Variants in RAPGEF4 observed in about 807,000 individuals in gnomAD.
RAPGEF4 encodes the protein Rap guanine nucleotide exchange factor 4.
RAPGEF4 carries 66 observed loss-of-function variants against 147.9 expected under a neutral mutation model. The observed-to-expected ratio is 0.45, with a 90% CI of 0.37 to 0.55. The LOEUF (loss-of-function observed/expected upper bound fraction) is 0.55, where lower values mean the gene tolerates loss of function less well. Among genes scored for constraint, RAPGEF4 ranks in the 20% least tolerant of loss-of-function variants. RAPGEF4 has a pLI of 0.00. For missense variants in RAPGEF4, 1,071 were observed against 1,257.3 expected, an observed-to-expected ratio of 0.85 and a Z score of 2.24; for synonymous variants, 419 against 442.7, an observed-to-expected ratio of 0.95 and a Z score of 0.67.
At chr2:172,943,511 A>C (rs1687377084) in intron 6 of RAPGEF4, among the ~76,000 whole-genome samples, 1 of 152,198 alleles carries the variant, frequency 6.6e-6, no homozygotes, top group Non-Finnish European at 1.5e-5. Context: ...CACTTGGCAC[A>C]CAGCATTTGA....
At position 172,992,680 on chromosome 2, in the gene RAPGEF4, T is replaced by C. The variant is rs532376081; in HGVS notation, c.1490+1755T>C. Among the ~76,000 whole-genome samples, 3 of 152,376 alleles carry C rather than the reference T, an allele frequency of 2.0e-5. No homozygotes were observed. In the South Asian group the frequency reaches 6.2e-4, roughly 32 times the overall value. On this transcript the variant is annotated intron_variant, in intron 15 of 30. Coordinates refer to ENST00000397081, the MANE Select transcript of RAPGEF4 (RefSeq NM_007023.4). ...ATGGAAAAGAAGAGACCGTATGTTT[T>C]ATTATTTTAGGCCTGATCTGATTTT...
chr2:172,895,540 T>G (rs1315930826), intron 4 of RAPGEF4, among the ~76,000 whole-genome samples: 2 of 152,218 alleles, frequency 1.3e-5, no homozygotes, highest in Non-Finnish European at 2.9e-5. Flanking sequence ...TTAGTTATTG[T>G]TCAAGATTTT....
At chr2:172,849,199 G>A (rs1052903648) in intron 4 of RAPGEF4, among the ~76,000 whole-genome samples, 3 of 151,648 alleles carry the variant, frequency 2.0e-5, no homozygotes, top group Non-Finnish European at 1.5e-5. Context: ...TTAATCATTG[G>A]TTTACTGCCA....
chr2:172,822,800 G>C (rs182616713), intron 4 of RAPGEF4, among the ~76,000 whole-genome samples: 2 of 152,220 alleles, frequency 1.3e-5, no homozygotes, highest in Non-Finnish European at 2.9e-5. Flanking sequence ...CCCCTGCACT[G>C]TTCTCTTACA....
chr2:172,910,711 A>G (rs1445996159), intron 4 of RAPGEF4, among the ~76,000 whole-genome samples: 2 of 152,224 alleles, frequency 1.3e-5, no homozygotes, highest in Non-Finnish European at 2.9e-5. Flanking sequence ...TGGTCTCCCC[A>G]TGCAGCTTAG....
rs555129076 is a variant in RAPGEF4, at chr2:172,934,592, T to A, written c.537+12292T>A. ...CAAACCACCTAATGGGGGAGAGAGT[T>A]AGGTAAACAGATAATTATTTCAGAA... On this transcript the variant is annotated intron_variant, in intron 6 of 30. Coordinates refer to ENST00000397081, the MANE Select transcript of RAPGEF4 (RefSeq NM_007023.4). 8.5e-5 allele frequency among the ~76,000 whole-genome samples: 13 copies of A among 152,174 alleles called. No homozygotes were observed. In the South Asian group the frequency reaches 2.7e-3, roughly 32 times the overall value.
Position 172,832,794 on chromosome 2 carries a change from G to T in RAPGEF4, c.444+18369G>T, listed in dbSNP as rs189221941. Among the ~76,000 whole-genome samples the T allele has an allele frequency of 2.6e-5, 4 of 152,312 alleles. No individual in the cohort carries two copies. The East Asian group carries it at 7.7e-4, about 29-fold the overall frequency. ...AGTAAGGAAGGACTAAAAGGAAAAA[G>T]AAGTATAGGTTGCCCTATCTTTCCT... On this transcript the variant is annotated intron_variant, in intron 4 of 30. Coordinates refer to ENST00000397081, the MANE Select transcript of RAPGEF4 (RefSeq NM_007023.4).
intron 1 of RAPGEF4, among the ~76,000 whole-genome samples, chr2:172,751,911 T>A (rs1220859271): frequency 1.3e-5 from 2 of 152,200 alleles, no homozygotes; most frequent in East Asian, 1.9e-4. Context: ...ATGAAAGGGA[T>A]AGATGAAGTC....
chr2:172,861,987 T>G (rs1373334985), intron 4 of RAPGEF4, among the ~76,000 whole-genome samples: 1 of 152,112 alleles, frequency 6.6e-6, no homozygotes, highest in Admixed American at 6.6e-5. Flanking sequence ...TTTCAAAGAG[T>G]CTTTGTCGAA....
intron 4 of RAPGEF4, chr2:172,859,929 G>A (rs1235469102): frequency 1.4e-5 from 10 of 691,800 alleles, no homozygotes; most frequent in Admixed American, 1.3e-4. Context: ...GAGGAGGCTC[G>A]GTAGAATAAA....
intron 30 of RAPGEF4, 101 bp downstream of exon 30, chr2:173,048,755 T>A: frequency 6.4e-7 from 1 of 1,569,246 alleles, no homozygotes; most frequent in Non-Finnish European, 8.6e-7. Context: ...AATATCTGAC[T>A]GTGTCAGAGA....
chr2:173,025,679 G>A (rs934791018), intron 23 of RAPGEF4, among the ~76,000 whole-genome samples: 4 of 152,234 alleles, frequency 2.6e-5, no homozygotes, highest in African/African-American at 9.6e-5. Flanking sequence ...CTGACCTCAG[G>A]TGATCCACCC....
intron 17 of RAPGEF4, among the ~76,000 whole-genome samples, chr2:173,006,511 A>G (rs577924391): frequency 3.6e-4 from 55 of 152,352 alleles, no homozygotes; most frequent in African/African-American, 1.1e-3. Flanking sequence ...TTGAATTAAG[A>G]AGAAAAAAAT....
In RAPGEF4 at chr2:173,044,993, G is replaced by A. The variant is rs555828385; in HGVS notation, c.2854-3607G>A. ...ACCTGCTCTGGCAGGACCATGAAGC[G>A]TAGGGTGTAATTTTTGGTTTCACCC... is the stretch of plus-strand genomic sequence containing the variant. On this transcript the variant is annotated intron_variant, in intron 29 of 30. Transcript: ENST00000397081. Among the ~76,000 whole-genome samples the A allele has an allele frequency of 5.9e-5, 9 of 152,312 alleles. No homozygotes were observed. The South Asian group carries it at 1.7e-3, about 28-fold the overall frequency.
chr2:173,022,500 C>T (rs1696205884), intron 23 of RAPGEF4, among the ~76,000 whole-genome samples: 1 of 152,178 alleles, frequency 6.6e-6, no homozygotes, highest in Non-Finnish European at 1.5e-5. Context: ...CTAAAGATTC[C>T]CTTTGAGGAC....
intron 17 of RAPGEF4, among the ~76,000 whole-genome samples, chr2:173,001,844 C>T (rs1693951205): frequency 6.6e-6 from 1 of 151,712 alleles, no homozygotes; most frequent in Non-Finnish European, 1.5e-5. Flanking sequence ...AGGGGTCCAC[C>T]CCCATGAACC....
chr2:172,776,340 G>C (rs1197716433), intron 1 of RAPGEF4, among the ~76,000 whole-genome samples: 1 of 152,124 alleles, frequency 6.6e-6, no homozygotes, highest in African/African-American at 2.4e-5. Context: ...AGATTAACAA[G>C]GAGGGGAAAT....
At chr2:172,931,424 T>C (rs1223085210) in intron 6 of RAPGEF4, among the ~76,000 whole-genome samples, 3 of 152,184 alleles carry the variant, frequency 2.0e-5, no homozygotes, top group Non-Finnish European at 4.4e-5. Flanking sequence ...GTGCTCTTGC[T>C]TCCTGTTGGC....
At chr2:172,761,372 C>T (rs542076647) in intron 1 of RAPGEF4, among the ~76,000 whole-genome samples, 1 of 152,178 alleles carries the variant, frequency 6.6e-6, no homozygotes, top group African/African-American at 2.4e-5. Context: ...CAACTCCTGA[C>T]CTCAGGTGAT....
Sources: allele counts gnomAD v4.1 joint callset (sites outside exome capture counted in the v4.1 genomes callset), GRCh38; gene constraint gnomAD v4.1.1; transcripts MANE v1.5; gene names NCBI Gene and HGNC (gene_info 2026-07-23, HGNC 2026-07-21).